The following MDGA2 variants were observed in gnomAD, a reference collection of about 807,000 sequenced individuals.
MDGA2 encodes MAM domain containing glycosylphosphatidylinositol anchor 2.
A neutral mutation model predicts 117.8 loss-of-function variants in MDGA2; 40 were observed. The observed-to-expected ratio is 0.34, with a 90% confidence interval of 0.26 to 0.44. The LOEUF (loss-of-function observed/expected upper bound fraction) is 0.44, where lower values mean the gene tolerates loss of function less well. Ranked by LOEUF, MDGA2 falls within the 20% of genes least tolerant of loss-of-function variation. MDGA2 has a pLI of 1.00. For missense variants in MDGA2, 1,123 were observed against 1,250.6 expected, an observed-to-expected ratio of 0.90 and a Z score of 1.54; for synonymous variants, 452 against 439.0, an observed-to-expected ratio of 1.03 and a Z score of -0.37.
At chr14:47,223,656 G>A (rs1886377745) in intron 2 of MDGA2, among the ~76,000 whole-genome samples, 2 of 152,158 alleles carry the variant, frequency 1.3e-5, no homozygotes, top group African/African-American at 4.8e-5. Context: ...ACAGAAGAGT[G>A]GATGTTTCGG....
At chr14:47,246,821 A>ACACACG (rs1252604276) in intron 2 of MDGA2, among the ~76,000 whole-genome samples, 4 of 150,966 alleles carry the variant, frequency 2.6e-5, no homozygotes, top group African/African-American at 9.7e-5. Flanking sequence ...ACACACACAC[A>ACACACG]CACACACACA....
intron 1 of MDGA2, among the ~76,000 whole-genome samples, chr14:47,318,727 A>G (rs1889884246): frequency 6.6e-6 from 1 of 151,706 alleles, no homozygotes; most frequent in South Asian, 2.1e-4. Flanking sequence ...AATGCAGCAG[A>G]AAAAAATGGC....
At chr14:46,909,317 A>T (rs1883610586) in intron 10 of MDGA2, among the ~76,000 whole-genome samples, 1 of 152,196 alleles carries the variant, frequency 6.6e-6, no homozygotes, top group Admixed American at 6.6e-5. Context: ...GGCAGAACTT[A>T]GTAGTAATTT....
chr14:47,151,059 T>C (rs1215940151), intron 3 of MDGA2, among the ~76,000 whole-genome samples: 1 of 152,130 alleles, frequency 6.6e-6, no homozygotes, highest in East Asian at 1.9e-4. Context: ...TCAGATCACC[T>C]AGAATGGGTT....
intron 1 of MDGA2, among the ~76,000 whole-genome samples, chr14:47,303,286 T>C (rs1183083032): frequency 6.6e-6 from 1 of 152,186 alleles, no homozygotes; most frequent in African/African-American, 2.4e-5. Context: ...CTTTGTCTTT[T>C]TAAAGTAACT....
At chr14:47,295,739 A>T (rs189345859) in intron 2 of MDGA2, among the ~76,000 whole-genome samples, 93 of 152,174 alleles carry the variant, frequency 6.1e-4, no homozygotes, top group Middle Eastern at 6.8e-3. Context: ...CTGGGTCTTT[A>T]TTAAAAATAC....
intron 1 of MDGA2, among the ~76,000 whole-genome samples, chr14:47,596,110 T>C (rs114917318): frequency 0.02 from 3,043 of 152,270 alleles, 98 homozygotes; most frequent in African/African-American, 0.069. Flanking sequence ...ATTCTATATT[T>C]TCACCGTGAG....
chr14:47,202,080 ACT>A (rs1368162939), intron 3 of MDGA2, among the ~76,000 whole-genome samples: 1 of 152,006 alleles, frequency 6.6e-6, no homozygotes, highest in Non-Finnish European at 1.5e-5. Context: ...TCTTCCTTTC[ACT>A]CTTACTCTTT....
intron 8 of MDGA2, among the ~76,000 whole-genome samples, chr14:47,026,654 G>A (rs1594541260): frequency 6.6e-6 from 1 of 151,974 alleles, no homozygotes; most frequent in Admixed American, 6.6e-5. Flanking sequence ...TGTGTGAAAT[G>A]CCCAAATTCT....
Position 47,478,833 on chromosome 14 carries a change from G to A in MDGA2, c.281-177283C>T, listed in dbSNP as rs1171353607. 2.0e-5 allele frequency among the ~76,000 whole-genome samples: 3 copies of A among 152,180 alleles called. No homozygotes were observed. In the East Asian group the frequency reaches 5.8e-4, roughly 29 times the overall value. On this transcript the variant is annotated intron_variant, in intron 1 of 16. Transcript: ENST00000399232. Reference sequence around the variant, plus strand: ...GGATGACAGATCACGCTAAATAGATGAGTGAAAGACATGGCTTTGAAGAAT... The same window carrying A: ...GGATGACAGATCACGCTAAATAGATAAGTGAAAGACATGGCTTTGAAGAAT...
intron 10 of MDGA2, among the ~76,000 whole-genome samples, chr14:46,890,912 T>C (rs1395484077): frequency 2.6e-5 from 4 of 152,086 alleles, no homozygotes; most frequent in African/African-American, 7.2e-5. Context: ...GGTGTTATGA[T>C]AAAGTTAAAT....
chr14:47,551,398 G>T (rs1895578715), intron 1 of MDGA2, among the ~76,000 whole-genome samples: 1 of 152,104 alleles, frequency 6.6e-6, no homozygotes, highest in Non-Finnish European at 1.5e-5. Context: ...CATATCTACT[G>T]CATGCAGCTG....
chr14:47,498,475 T>C (rs528350608), intron 1 of MDGA2, among the ~76,000 whole-genome samples: 4 of 152,296 alleles, frequency 2.6e-5, no homozygotes, highest in African/African-American at 9.6e-5. Flanking sequence ...TGTGCTATTA[T>C]GAAGGCATCC....
chr14:47,014,620 C>T (rs979739550), intron 8 of MDGA2, among the ~76,000 whole-genome samples: 2 of 152,254 alleles, frequency 1.3e-5, no homozygotes, highest in African/African-American at 4.8e-5. Context: ...ACCTCATGAA[C>T]CAACATGTGT....
At chr14:47,441,433 C>T (rs916516720) in intron 1 of MDGA2, among the ~76,000 whole-genome samples, 1 of 152,056 alleles carries the variant, frequency 6.6e-6, no homozygotes, top group Non-Finnish European at 1.5e-5. Context: ...TGTGCAAAAG[C>T]GCAAATTTTT....
chr14:46,974,006 T>C (rs1270898920), intron 8 of MDGA2, among the ~76,000 whole-genome samples: 1 of 151,732 alleles, frequency 6.6e-6, no homozygotes, highest in Non-Finnish European at 1.5e-5. Context: ...CCCAAAACGC[T>C]GGAATGACAG....
At chr14:47,098,323 G>C (rs1219595620) in intron 5 of MDGA2, among the ~76,000 whole-genome samples, 2 of 150,294 alleles carry the variant, frequency 1.3e-5, no homozygotes, top group Non-Finnish European at 3.0e-5. Context: ...AGTTCTATGG[G>C]AAAGACATGA....
intron 10 of MDGA2, among the ~76,000 whole-genome samples, chr14:46,895,587 G>A (rs566029669): frequency 2.0e-5 from 3 of 151,934 alleles, no homozygotes; most frequent in African/African-American, 7.2e-5. Context: ...TTAGCTGGGC[G>A]TGGTGGCGGG....
intron 1 of MDGA2, among the ~76,000 whole-genome samples, chr14:47,369,492 C>A (rs866346271): frequency 6.6e-6 from 1 of 152,054 alleles, no homozygotes; most frequent in Non-Finnish European, 1.5e-5. Context: ...CTCCTTCTCA[C>A]AGCAATGTAT....
Sources: gnomAD v4.1 joint callset for allele counts (sites outside exome capture counted in the v4.1 genomes callset) on GRCh38, gnomAD v4.1.1 for gene constraint, MANE v1.5 for transcripts, NCBI Gene and HGNC (gene_info 2026-07-23, HGNC 2026-07-21) for gene names.